Variants in NXPH1 observed in about 807,000 individuals in gnomAD.
NXPH1 encodes neurexophilin 1.
In NXPH1, 5 loss-of-function variants were observed where a neutral mutation model predicts 23.7. That is an observed-to-expected ratio of 0.21 (90% CI 0.11 to 0.44). The LOEUF is 0.44. Among genes scored for constraint, NXPH1 ranks in the 20% least tolerant of loss-of-function variants. The pLI, the probability that NXPH1 is intolerant of heterozygous loss-of-function variation, is 0.99. For missense variants in NXPH1, 324 were observed against 321.6 expected (o/e 1.01, Z -0.06); for synonymous variants, 144 against 122.2 (o/e 1.18, Z -1.18).
intron 2 of NXPH1, among the ~76,000 whole-genome samples, chr7:8,693,861 T>C (rs1821260508): frequency 6.6e-6 from 1 of 152,190 alleles, no homozygotes; most frequent in Admixed American, 6.5e-5. Flanking sequence ...TTTGGTGTAA[T>C]TACTAATGGC....
At chr7:8,441,300 G>T (rs1246555848) in intron 2 of NXPH1, among the ~76,000 whole-genome samples, 2 of 152,082 alleles carry the variant, frequency 1.3e-5, no homozygotes, top group Non-Finnish European at 2.9e-5. Context: ...CGTCGCGTGT[G>T]TGCAGGAAGT....
At chr7:8,699,088 A>T (rs1344541353) in intron 2 of NXPH1, among the ~76,000 whole-genome samples, 3 of 152,186 alleles carry the variant, frequency 2.0e-5, no homozygotes, top group Admixed American at 1.3e-4. Context: ...AACAGATCAA[A>T]TTTTTTTGGT....
chr7:8,482,219 T>TGGCTTTCCC (rs1200926903), intron 2 of NXPH1, among the ~76,000 whole-genome samples: 2 of 152,204 alleles, frequency 1.3e-5, no homozygotes, highest in Non-Finnish European at 2.9e-5. Flanking sequence ...TGAGCTTTGC[T>TGGCTTTCCC]GGCTTTCCCA....
At chr7:8,636,875 A>C (rs1374503426) in intron 2 of NXPH1, among the ~76,000 whole-genome samples, 1 of 152,216 alleles carries the variant, frequency 6.6e-6, no homozygotes, top group Non-Finnish European at 1.5e-5. Context: ...TAACTAGTGA[A>C]ATGTTCAAAT....
intron 2 of NXPH1, among the ~76,000 whole-genome samples, chr7:8,613,432 T>G (rs1418016530): frequency 6.6e-6 from 1 of 151,954 alleles, no homozygotes; most frequent in Non-Finnish European, 1.5e-5. Flanking sequence ...CAAAAACAAA[T>G]CATGCCAAAC....
chr7:8,664,208 C>G (rs569051832), intron 2 of NXPH1, among the ~76,000 whole-genome samples: 1 of 152,188 alleles, frequency 6.6e-6, no homozygotes, highest in South Asian at 2.1e-4. Context: ...CAAGTGCTTT[C>G]TCTTTCATTT....
intron 2 of NXPH1, among the ~76,000 whole-genome samples, chr7:8,509,438 G>T (rs1268217820): frequency 6.6e-6 from 1 of 152,208 alleles, no homozygotes; most frequent in Non-Finnish European, 1.5e-5. Context: ...GACATATGTG[G>T]AACATCTATT....
At chr7:8,617,496 CAT>C (rs141495046) in intron 2 of NXPH1, among the ~76,000 whole-genome samples, 100 of 152,188 alleles carry the variant, frequency 6.6e-4, no homozygotes, top group Non-Finnish European at 1.3e-3. Context: ...GAGATCCAGT[CAT>C]ATGCAACAAC....
At chr7:8,475,926 C>T (rs1816963043) in intron 2 of NXPH1, among the ~76,000 whole-genome samples, 1 of 152,080 alleles carries the variant, frequency 6.6e-6, no homozygotes, top group African/African-American at 2.4e-5. Context: ...CCATGTCTGC[C>T]ACCCCTGCAC....
intron 2 of NXPH1, among the ~76,000 whole-genome samples, chr7:8,615,703 C>T (rs1819718803): frequency 6.6e-6 from 1 of 151,812 alleles, no homozygotes; most frequent in Non-Finnish European, 1.5e-5. Flanking sequence ...CTATGCTTTG[C>T]TAAAGATTGG....
At chr7:8,500,021 A>G (rs148402208) in intron 2 of NXPH1, among the ~76,000 whole-genome samples, 5 of 152,118 alleles carry the variant, frequency 3.3e-5, no homozygotes, top group African/African-American at 1.2e-4. Flanking sequence ...TAACATTTTT[A>G]TAACAGAATG....
At chr7:8,549,290 C>G (rs7789677) in intron 2 of NXPH1, among the ~76,000 whole-genome samples, 1 of 151,314 alleles carries the variant, frequency 6.6e-6, no homozygotes, top group Non-Finnish European at 1.5e-5. Flanking sequence ...TGAGTTAACT[C>G]GTGACTGACA....
chr7:8,561,351 G>GACACACACACACACACAC lies in NXPH1; in HGVS notation c.54+125599_54+125616dup, dbSNP rs61219039. Among the ~76,000 whole-genome samples, 901 of 140,944 alleles carry GACACACACACACACACAC rather than the reference G, an allele frequency of 6.4e-3. 8 individuals carry two copies. The highest frequency in any genetic ancestry group is 7.9e-3 in the African/African-American group (297 of 37,486). The allele number at this position is 140,944 out of a possible 152,430, so 92.5% of individuals were successfully genotyped here. A position where few individuals can be genotyped will look rare whatever the true frequency, so the allele number is the denominator to read the frequency against. The stretch of plus-strand genomic sequence containing the variant: ...TTTTGGAGATGAGGGAAGCCTATGT[G>GACACACACACACACACAC]ACACACACACACACACACACACACA... On this transcript the variant is annotated intron_variant, in intron 2 of 2. Transcript: ENST00000405863.
At chr7:8,675,499 T>A (rs1274498577) in intron 2 of NXPH1, among the ~76,000 whole-genome samples, 2 of 152,152 alleles carry the variant, frequency 1.3e-5, no homozygotes, top group Non-Finnish European at 2.9e-5. Flanking sequence ...GTTTATTCAT[T>A]CGACAATCAG....
intron 2 of NXPH1, among the ~76,000 whole-genome samples, chr7:8,555,079 C>G (rs987500489): frequency 6.6e-6 from 1 of 151,476 alleles, no homozygotes; most frequent in South Asian, 2.1e-4. Flanking sequence ...AGTGTAGGTC[C>G]TCAATAAAAG....
rs1373913924 is a variant in NXPH1, at chr7:8,626,116, C to A, written c.55-124892C>A. Among the ~76,000 whole-genome samples the A allele has an allele frequency of 6.6e-5, 10 of 151,866 alleles. No individual in the cohort carries two copies. The East Asian group carries it at 1.7e-3, about 26-fold the overall frequency. On this transcript the variant is annotated intron_variant, in intron 2 of 2. Coordinates refer to ENST00000405863, the MANE Select transcript of NXPH1 (RefSeq NM_152745.3). ...TTCTTTCTGCATTTCTTCTAAGGGA[C>A]CTCTTTCTCCTTAAGCACGTGGACT... is the stretch of plus-strand genomic sequence containing the variant.
At position 8,473,593 on chromosome 7, in the gene NXPH1, C is replaced by G. The variant is rs188743992; in HGVS notation, c.54+37826C>G. Among the ~76,000 whole-genome samples, 455 of 152,242 alleles carry G rather than the reference C, an allele frequency of 3.0e-3. 3 individuals are homozygous for G. Among genetic ancestry groups the G allele is most frequent in the African/African-American group, 0.01 (429 of 41,554 alleles). On this transcript the variant is annotated intron_variant, in intron 2 of 2. Transcript: ENST00000405863. ...AGTTCAACATCTTTTCGCTCCCACA[C>G]AAACTTTTGTTATATTTTTTCAGTT...
intron 2 of NXPH1, among the ~76,000 whole-genome samples, chr7:8,689,529 T>C (rs1821195579): frequency 1.3e-5 from 2 of 152,156 alleles, no homozygotes; most frequent in South Asian, 4.1e-4. Context: ...ATGAAGTTTC[T>C]AGAACCCAGA....
chr7:8,502,993 G>T (rs1203137955), intron 2 of NXPH1, among the ~76,000 whole-genome samples: 1 of 152,024 alleles, frequency 6.6e-6, no homozygotes, highest in African/African-American at 2.4e-5. Context: ...ACCACATATT[G>T]CAGGAGCCTG....
Sources: gnomAD v4.1 joint callset for allele counts (sites outside exome capture counted in the v4.1 genomes callset) on GRCh38, gnomAD v4.1.1 for gene constraint, MANE v1.5 for transcripts, NCBI Gene and HGNC (gene_info 2026-07-23, HGNC 2026-07-21) for gene names.